The following GIMAP8 variants were observed in gnomAD, a reference collection of about 807,000 sequenced individuals.
GIMAP8 encodes GTPase, IMAP family member 8.
In GIMAP8, 29 loss-of-function variants were observed where a neutral mutation model predicts 35.6. That is an observed-to-expected ratio of 0.81 (90% CI 0.61 to 1.11). The LOEUF (loss-of-function observed/expected upper bound fraction) is 1.11. Among genes scored for constraint, GIMAP8 ranks in the 50% most tolerant of loss-of-function variants. GIMAP8 has a pLI of 0.00. For missense variants in GIMAP8, 811 were observed against 805.0 expected (o/e 1.01, Z -0.09); for synonymous variants, 335 against 308.7 (o/e 1.09, Z -0.89).
intron 3 of GIMAP8, among the ~76,000 whole-genome samples, 173 bp downstream of exon 3, chr7:150,471,047 A>G (rs1471846724): frequency 1.3e-5 from 2 of 152,184 alleles, no homozygotes; most frequent in African/African-American, 4.8e-5. Context: ...ACTTGTGAGT[A>G]GGTATAGCAC....
At position 150,477,246 on chromosome 7, in the gene GIMAP8, G is replaced by A. The variant is rs768306288; in HGVS notation, c.1464G>A (p.Glu488=). The A allele has an allele frequency of 6.2e-7, 1 of 1,614,154 alleles. No individual in the cohort carries two copies. Among genetic ancestry groups the A allele is most frequent in the Non-Finnish European group, 8.5e-7 (1 of 1,180,036 alleles). The change falls in exon 5 of 5, where the codon GAG becomes GAA. Residue 488 remains glutamate (E), a synonymous_variant. Coordinates refer to ENST00000307271, the MANE Select transcript of GIMAP8 (RefSeq NM_175571.4). The part of the protein sequence containing the change: ...QSGRRTWDGQ[E]VVVVDTPSFN... ...GCAGGAGGACATGGGACGGACAGGA[G>A]GTGGTGGTTGTGGACACTCCTTCCT...
At chr7:150,455,194 G>GA (rs1165175364) in intron 1 of GIMAP8, among the ~76,000 whole-genome samples, 1 of 147,480 alleles carries the variant, frequency 6.8e-6, no homozygotes, top group African/African-American at 2.5e-5. Flanking sequence ...AAGAATGGAG[G>GA]AAAAAACAAC....
intron 1 of GIMAP8, among the ~76,000 whole-genome samples, chr7:150,452,675 G>GATATAGATATAGATATATATAT (rs1801639417): frequency 5.0e-5 from 4 of 79,672 alleles, no homozygotes; most frequent in African/African-American, 2.1e-4. Flanking sequence ...GTGTGTGTGA[G>GATATAGATATAGATATATATAT]ATATATATAT....
chr7:150,477,061 G>A lies in GIMAP8; in HGVS notation c.1310-31G>A, dbSNP rs774509839. 13 of 1,553,540 alleles carry A rather than the reference G, an allele frequency of 8.4e-6. No homozygotes were observed. The South Asian group carries it at 1.4e-4, about 16-fold the overall frequency. Reference sequence around the variant, plus strand: ...AAATCCAATTTCAGATCAGCCCATGGTCACGAATCTTTCCCACTTTCCTTT... The same window carrying A: ...AAATCCAATTTCAGATCAGCCCATGATCACGAATCTTTCCCACTTTCCTTT... On this transcript the variant is annotated intron_variant, in intron 4 of 4. Transcript: ENST00000307271.
At chr7:150,454,549 G>A (rs1041420905) in intron 1 of GIMAP8, among the ~76,000 whole-genome samples, 1 of 152,164 alleles carries the variant, frequency 6.6e-6, no homozygotes, top group Admixed American at 6.5e-5. Context: ...GGGTGTGCTG[G>A]ACCATCTGGG....
chr7:150,477,136 A>G lies in GIMAP8; in HGVS notation c.1354A>G (p.Ser452Gly). The change falls in exon 5 of 5, where the codon AGT becomes GGT. Residue 452 changes from serine (S) to glycine (G), a missense_variant. Transcript: ENST00000307271. The part of the protein sequence containing the change: ...VLVGRSGTGK[S>G]ATGNSILGSL... ...TGTGGGGAGAAGCGGGACTGGGAAGAGTGCGACCGGGAACTCTATCCTGGG... is the reference window on the plus strand; with the variant it reads ...TGTGGGGAGAAGCGGGACTGGGAAGGGTGCGACCGGGAACTCTATCCTGGG... 1 of 1,612,402 alleles carries G rather than the reference A, an allele frequency of 6.2e-7. No homozygotes were observed. Among genetic ancestry groups the G allele is most frequent in the Non-Finnish European group, 8.5e-7 (1 of 1,178,520 alleles).
In GIMAP8 at chr7:150,474,217, G is replaced by A; in HGVS notation, c.888G>A (p.Lys296=). Residue 296 remains lysine, a synonymous_variant, in exon 4 of 5, where the codon AAG becomes AAA. Coordinates refer to ENST00000307271, the MANE Select transcript of GIMAP8 (RefSeq NM_175571.4). ...FLSESRSWRK[K]KVSIIDAPDI... ...CTGAGAGCAGAAGCTGGAGAAAAAA[G>A]AAAGTTTCGATCATTGATGCTCCGG... The A allele has an allele frequency of 6.2e-7, 1 of 1,614,166 alleles. No homozygotes were observed. Among genetic ancestry groups the A allele is most frequent in the Non-Finnish European group, 8.5e-7 (1 of 1,180,036 alleles).
chr7:150,461,535 T>G (rs928883284), intron 1 of GIMAP8, among the ~76,000 whole-genome samples: 2 of 152,254 alleles, frequency 1.3e-5, no homozygotes, highest in African/African-American at 4.8e-5. Flanking sequence ...TAGCTACTCC[T>G]GCATGTTTTT....
At chr7:150,473,063 C>T (rs1802131125) in intron 3 of GIMAP8, among the ~76,000 whole-genome samples, 1 of 152,188 alleles carries the variant, frequency 6.6e-6, no homozygotes. Context: ...GGCAATACAG[C>T]AAGGGCCTTT....
At chr7:150,460,477 T>C (rs970477497) in intron 1 of GIMAP8, among the ~76,000 whole-genome samples, 3 of 152,204 alleles carry the variant, frequency 2.0e-5, no homozygotes, top group Non-Finnish European at 4.4e-5. Context: ...ATACTTGCCA[T>C]ATCTCCTTTT....
In GIMAP8 at chr7:150,451,339, C is replaced by T. The variant is rs754489249; in HGVS notation, c.-29+164C>T. 6.6e-6 allele frequency among the ~76,000 whole-genome samples: 1 copy of T among 152,048 alleles called. No homozygotes were observed. The highest frequency in any genetic ancestry group is 1.5e-5 in the Non-Finnish European group (1 of 68,006). ...CTGTGGGGGAGGATGGGCTTGGCAC[C>T]GGGAAGGCAGCCTGCTCAGCCATGG... On this transcript the variant is annotated intron_variant, in intron 1 of 4. Coordinates refer to ENST00000307271, the MANE Select transcript of GIMAP8 (RefSeq NM_175571.4). The surrounding 1 kb of genome is among the most constrained non-coding windows in gnomAD (Gnocchi z 4.1).
At chr7:150,471,976 A>G (rs2116612652) in intron 3 of GIMAP8, among the ~76,000 whole-genome samples, 1 of 152,326 alleles carries the variant, frequency 6.6e-6, no homozygotes, top group East Asian at 1.9e-4. Flanking sequence ...TGTAAAGAAG[A>G]TGTTGTGAGC....
chr7:150,478,043 A>G lies in GIMAP8; in HGVS notation c.*263A>G, dbSNP rs1585122869. 1 of 497,180 alleles carries G rather than the reference A, an allele frequency of 2.0e-6. No individual in the cohort carries two copies. Among genetic ancestry groups the G allele is most frequent in the Non-Finnish European group, 3.6e-6 (1 of 280,500 alleles). 30.8% of individuals were successfully genotyped at this position (497,180 alleles called of 1,614,324 possible). A position where few individuals can be genotyped will look rare whatever the true frequency, so the allele number is the denominator to read the frequency against. ...GATTTCAGACATTAGGCTGATAATAAGTGGTAGAATCAAGTCACAAGAATC... is the reference window on the plus strand; with the variant it reads ...GATTTCAGACATTAGGCTGATAATAGGTGGTAGAATCAAGTCACAAGAATC... On this transcript the variant is annotated 3_prime_UTR_variant, in exon 5 of 5. Transcript: ENST00000307271.
Position 150,474,574 on chromosome 7 carries a change from C to T in GIMAP8, c.1245C>T (p.Leu415=). The change falls in exon 4 of 5, where the codon CTC becomes CTT. Residue 415 remains leucine (L), a synonymous_variant. Transcript: ENST00000307271. The part of the protein sequence containing the change: ...GEEEQRQADE[L]LEKIESMVHQ... ...AAGAGCAAAGGCAGGCGGACGAGCTCCTGGAAAAAATTGAGAGCATGGTGC... is the reference window on the plus strand; with the variant it reads ...AAGAGCAAAGGCAGGCGGACGAGCTTCTGGAAAAAATTGAGAGCATGGTGC... 20 of 1,611,740 alleles carry T rather than the reference C, an allele frequency of 1.2e-5. No individual in the cohort carries two copies. Among genetic ancestry groups the T allele is most frequent in the Non-Finnish European group, 1.7e-5 (20 of 1,179,336 alleles).
At chr7:150,458,417 AC>A (rs1801776006) in intron 1 of GIMAP8, among the ~76,000 whole-genome samples, 1 of 152,102 alleles carries the variant, frequency 6.6e-6, no homozygotes, top group Non-Finnish European at 1.5e-5. Context: ...GATGAGGCCC[AC>A]CCCCACAAGT....
intron 1 of GIMAP8, among the ~76,000 whole-genome samples, chr7:150,464,066 G>A (rs2116599469): frequency 6.6e-6 from 1 of 152,316 alleles, no homozygotes; most frequent in South Asian, 2.1e-4. Flanking sequence ...GCAGTGATAG[G>A]CAGGATAAAG....
chr7:150,469,436 G>T (rs1462919189), intron 2 of GIMAP8, among the ~76,000 whole-genome samples: 1 of 152,214 alleles, frequency 6.6e-6, no homozygotes, highest in East Asian at 1.9e-4. Flanking sequence ...GAGGGCAGAA[G>T]AAATCATATC....
intron 1 of GIMAP8, among the ~76,000 whole-genome samples, chr7:150,454,815 G>T (rs567385117): frequency 1.3e-5 from 2 of 152,318 alleles, no homozygotes; most frequent in Admixed American, 6.5e-5. Flanking sequence ...GGGTCAAAAA[G>T]AAATCATACT....
At chr7:150,462,783 G>A (rs1239084611) in intron 1 of GIMAP8, among the ~76,000 whole-genome samples, 1 of 152,044 alleles carries the variant, frequency 6.6e-6, no homozygotes, top group Non-Finnish European at 1.5e-5. Flanking sequence ...CTTTGTCTTT[G>A]ACTTTTGACA....
Sources: allele counts gnomAD v4.1 joint callset (sites outside exome capture counted in the v4.1 genomes callset), GRCh38; gene constraint gnomAD v4.1.1; non-coding constraint Gnocchi (gnomAD v3.1); transcripts MANE v1.5; gene names NCBI Gene and HGNC (gene_info 2026-07-23, HGNC 2026-07-21).